Variants in COL23A1 observed in about 807,000 individuals in gnomAD.
COL23A1 encodes the protein collagen type XXIII alpha 1 chain, also known as collagen alpha-1(XXIII) chain.
A neutral mutation model predicts 99.3 loss-of-function variants in COL23A1; 97 were observed. That is an observed-to-expected ratio of 0.98 (90% CI 0.83 to 1.16). The LOEUF (loss-of-function observed/expected upper bound fraction) is 1.16, where lower values mean the gene tolerates loss of function less well. Among genes scored for constraint, COL23A1 ranks in the 50% most tolerant of loss-of-function variants. The pLI, the probability that COL23A1 is intolerant of heterozygous loss-of-function variation, is 0.00. For missense variants in COL23A1, 762 were observed against 757.4 expected (o/e 1.01, Z -0.07); for synonymous variants, 320 against 308.2 (o/e 1.04, Z -0.40).
chr5:178,242,221 C>G, intron 26 of COL23A1, 93 bp from the exon 27 acceptor site: 1 of 1,461,850 alleles, frequency 6.8e-7, no homozygotes, highest in Admixed American at 1.9e-5. Context: ...GGCCAGCCTC[C>G]CCCTGCCTCC....
intron 2 of COL23A1, among the ~76,000 whole-genome samples, chr5:178,452,528 T>G (rs1767545677): frequency 6.6e-6 from 1 of 152,212 alleles, no homozygotes; most frequent in Non-Finnish European, 1.5e-5. Flanking sequence ...CTCTAGAAAC[T>G]GCCATGAGCA....
intron 7 of COL23A1, among the ~76,000 whole-genome samples, chr5:178,268,330 C>T (rs1432756430): frequency 3.9e-5 from 6 of 152,182 alleles, no homozygotes; most frequent in Non-Finnish European, 8.8e-5. Flanking sequence ...CAAGGGGCCG[C>T]AGAGATAGCT....
intron 2 of COL23A1, among the ~76,000 whole-genome samples, chr5:178,357,174 C>G (rs931466663): frequency 2.0e-5 from 3 of 152,238 alleles, no homozygotes; most frequent in Non-Finnish European, 2.9e-5. Context: ...CCCTGGTGAC[C>G]TGGGGCTTCC....
chr5:178,310,763 G>T lies in COL23A1; in HGVS notation c.362-3844C>A, dbSNP rs1175198684. Among the ~76,000 whole-genome samples the T allele has an allele frequency of 6.6e-6, 1 of 152,160 alleles. No individual in the cohort carries two copies. The highest frequency in any genetic ancestry group is 1.5e-5 in the Non-Finnish European group (1 of 68,028). On this transcript the variant is annotated intron_variant, in intron 2 of 28. Coordinates refer to ENST00000390654, the MANE Select transcript of COL23A1 (RefSeq NM_173465.4). This position sits in a 1 kb window ranked among gnomAD's most constrained non-coding sequence, Gnocchi z 4.3. The stretch of plus-strand genomic sequence containing the variant: ...GCCCCTGGGAGAGCAGGGCCAGCTT[G>T]GCTGCAGCTAAGACCTGGCTCCAAC...
chr5:178,466,544 G>A (rs1638876153), intron 2 of COL23A1, among the ~76,000 whole-genome samples: 1 of 152,120 alleles, frequency 6.6e-6, no homozygotes, highest in Non-Finnish European at 1.5e-5. Flanking sequence ...AGGATGTGAG[G>A]CAGCACCCTC....
At chr5:178,464,224 A>C (rs1233220322) in intron 2 of COL23A1, among the ~76,000 whole-genome samples, 1 of 151,898 alleles carries the variant, frequency 6.6e-6, no homozygotes, top group Non-Finnish European at 1.5e-5. Context: ...CCGATTCGGC[A>C]CTCCCACAGC....
intron 2 of COL23A1, among the ~76,000 whole-genome samples, chr5:178,360,953 G>A (rs1163845396): frequency 1.3e-5 from 2 of 152,166 alleles, no homozygotes; most frequent in Admixed American, 6.5e-5. Context: ...AACAGAAGAC[G>A]TTTTTGACAT....
intron 3 of COL23A1, among the ~76,000 whole-genome samples, chr5:178,292,800 T>A (rs1029781395): frequency 6.6e-6 from 1 of 152,072 alleles, no homozygotes; most frequent in Non-Finnish European, 1.5e-5. Flanking sequence ...GGGGAGATAG[T>A]AGTGGGGCAG....
chr5:178,358,697 A>C (rs866460286), intron 2 of COL23A1, among the ~76,000 whole-genome samples: 2 of 113,880 alleles, frequency 1.8e-5, no homozygotes, highest in Non-Finnish European at 2.0e-5. Flanking sequence ...GTGTGTATGT[A>C]TGTGTATGTG....
intron 2 of COL23A1, among the ~76,000 whole-genome samples, chr5:178,335,553 G>A (rs1258042849): frequency 6.6e-6 from 1 of 152,244 alleles, no homozygotes; most frequent in African/African-American, 2.4e-5. Flanking sequence ...AACTGAGCCA[G>A]GGCAGGTGGC....
chr5:178,536,993 C>T (rs10054274), intron 2 of COL23A1, among the ~76,000 whole-genome samples: 7,084 of 152,334 alleles, frequency 0.047, 218 homozygotes, highest in African/African-American at 0.088. Context: ...CCATCCTCAC[C>T]GCCGACGGCT....
rs1758588283 is a variant in COL23A1, at chr5:178,310,043, C to T, written c.362-3124G>A. On this transcript the variant is annotated intron_variant, in intron 2 of 28. Coordinates refer to ENST00000390654, the MANE Select transcript of COL23A1 (RefSeq NM_173465.4). This position sits in a 1 kb window ranked among gnomAD's most constrained non-coding sequence, Gnocchi z 4.3. ...AAAAGACTGCAAGTCCAGCAAGCTCCAGGGCTTAGGAGAGACACAGGGCCA... is the reference window on the plus strand; with the variant it reads ...AAAAGACTGCAAGTCCAGCAAGCTCTAGGGCTTAGGAGAGACACAGGGCCA... Among the ~76,000 whole-genome samples the T allele has an allele frequency of 6.6e-6, 1 of 152,208 alleles. No homozygotes were observed. The highest frequency in any genetic ancestry group is 2.1e-4 in the South Asian group (1 of 4,830).
chr5:178,268,974 C>T (rs1045524702), intron 6 of COL23A1, among the ~76,000 whole-genome samples: 1 of 152,020 alleles, frequency 6.6e-6, no homozygotes, highest in African/African-American at 2.4e-5. Flanking sequence ...GGGGGAATTG[C>T]GGGTGACCAG....
intron 5 of COL23A1, among the ~76,000 whole-genome samples, chr5:178,283,555 G>A (rs1342021196): frequency 6.6e-6 from 1 of 152,090 alleles, no homozygotes; most frequent in East Asian, 1.9e-4. Context: ...TTATTCTCTT[G>A]TAAGTACATT....
chr5:178,261,260 A>G (rs1264173711), intron 11 of COL23A1, among the ~76,000 whole-genome samples: 1 of 151,954 alleles, frequency 6.6e-6, no homozygotes. Flanking sequence ...TAAAAATACA[A>G]AAAATTAGCT....
intron 1 of COL23A1, among the ~76,000 whole-genome samples, chr5:178,574,729 G>A (rs768439303): frequency 6.6e-6 from 1 of 152,192 alleles, no homozygotes; most frequent in East Asian, 1.9e-4. Flanking sequence ...GTCAAGAAAC[G>A]TAAGACAATC....
chr5:178,365,075 G>C lies in COL23A1; in HGVS notation c.362-58156C>G, dbSNP rs1314625351. The stretch of plus-strand genomic sequence containing the variant: ...ACAGCAGTAAAGAATAAACCGTAGG[G>C]GCAATAACAATCTCTTTGTAATTTC... On this transcript the variant is annotated intron_variant, in intron 2 of 28. Coordinates refer to ENST00000390654, the MANE Select transcript of COL23A1 (RefSeq NM_173465.4). The surrounding 1 kb of genome is among the most constrained non-coding windows in gnomAD (Gnocchi z 5.2). 6.6e-6 allele frequency among the ~76,000 whole-genome samples: 1 copy of C among 152,018 alleles called. No individual in the cohort carries two copies. Among genetic ancestry groups the C allele is most frequent in the South Asian group, 2.1e-4 (1 of 4,820 alleles).
At chr5:178,393,815 TG>T (rs199831675) in intron 2 of COL23A1, among the ~76,000 whole-genome samples, 1 of 152,098 alleles carries the variant, frequency 6.6e-6, no homozygotes, top group East Asian at 1.9e-4. Flanking sequence ...TTTGTACAGA[TG>T]GGGTTTCACC....
At chr5:178,406,533 G>A (rs867948591) in intron 2 of COL23A1, among the ~76,000 whole-genome samples, 1 of 151,368 alleles carries the variant, frequency 6.6e-6, no homozygotes, top group African/African-American at 2.4e-5. Flanking sequence ...GGATTCAAGC[G>A]ATTCTCTTGC....
Sources: allele counts gnomAD v4.1 joint callset (sites outside exome capture counted in the v4.1 genomes callset), GRCh38; gene constraint gnomAD v4.1.1; non-coding constraint Gnocchi (gnomAD v3.1); transcripts MANE v1.5; gene names NCBI Gene and HGNC (gene_info 2026-07-23, HGNC 2026-07-21).